Variants in RSF1 observed in about 807,000 individuals in gnomAD.
RSF1 encodes the protein remodeling and spacing factor 1, also known as HBV pX-associated protein 8.
RSF1 carries 13 observed loss-of-function variants against 145.2 expected under a neutral mutation model. That is an observed-to-expected ratio of 0.09 (90% CI 0.06 to 0.14). RSF1 has a LOEUF of 0.14. Among genes scored for constraint, RSF1 ranks in the 10% least tolerant of loss-of-function variants. The probability of loss-of-function intolerance (pLI) is 1.00; values close to 1 mark genes in which losing one functional copy is unlikely to be tolerated. For synonymous variants in RSF1, 577 were observed against 592.6 expected, an observed-to-expected ratio of 0.97 and a Z score of 0.38; for missense variants, 1,517 against 1,718.2, an observed-to-expected ratio of 0.88 and a Z score of 2.07.
chr11:77,775,115 G>A (rs1396873498), intron 1 of RSF1, among the ~76,000 whole-genome samples: 10 of 151,670 alleles, frequency 6.6e-5, no homozygotes, highest in East Asian at 2.0e-4. Flanking sequence ...GGGCATGGTC[G>A]TGGGCACCTG....
At chr11:77,850,791 C>CACAT in the RSF1 span, 1 of 11,994 alleles carries the variant, frequency 8.3e-5, no homozygotes. Flanking sequence ...CACATACACA[C>CACAT]ACACACACAC....
chr11:77,831,098 T>A, the RSF1 span, among the ~76,000 whole-genome samples: 2 of 151,120 alleles, frequency 1.3e-5, no homozygotes, highest in African/African-American at 2.4e-5. Flanking sequence ...TGAGCTGTAA[T>A]CATGTCACAG....
intron 5 of RSF1, among the ~76,000 whole-genome samples, chr11:77,711,881 T>C (rs1047174315): frequency 6.6e-6 from 1 of 152,192 alleles, no homozygotes; most frequent in Admixed American, 6.5e-5. Flanking sequence ...TTTTTTTCCT[T>C]GGTCTCCTCC....
chr11:77,805,098 A>G (rs912601977), intron 1 of RSF1, among the ~76,000 whole-genome samples: 3 of 152,224 alleles, frequency 2.0e-5, no homozygotes, highest in Non-Finnish European at 4.4e-5. Flanking sequence ...AAGGATGTCC[A>G]ATAAGTATCA....
chr11:77,835,562 G>A, the RSF1 span, among the ~76,000 whole-genome samples: 73 of 152,284 alleles, frequency 4.8e-4, no homozygotes, highest in African/African-American at 1.6e-3. Flanking sequence ...CTCCCAGGAA[G>A]TTGTTTTCCT....
intron 11 of RSF1, among the ~76,000 whole-genome samples, chr11:77,679,574 G>A (rs536194073): frequency 4.0e-5 from 6 of 151,650 alleles, no homozygotes; most frequent in South Asian, 4.2e-4. Flanking sequence ...TTGGGGGGCC[G>A]AGACAAGAGG....
In RSF1 at chr11:77,663,275, C is replaced by T. The variant is rs972501972; in HGVS notation, c.*3642G>A. On this transcript the variant is annotated 3_prime_UTR_variant, in exon 16 of 16. Coordinates refer to ENST00000308488, the MANE Select transcript of RSF1 (RefSeq NM_016578.4). ...AAAGCATTCCTTGTGACAAAGGACA[C>T]CCCACCAGTCCCACTTAAAAACAGC... is the stretch of plus-strand genomic sequence containing the variant. The T allele has an allele frequency of 3.3e-5, 5 of 152,136 alleles. No homozygotes were observed. The highest frequency in any genetic ancestry group is 6.5e-5 in the Admixed American group (1 of 15,270). The allele number at this position is 152,136 out of a possible 1,614,324, so 9.4% of individuals were successfully genotyped here.
At chr11:77,834,571 C>T in the RSF1 span, among the ~76,000 whole-genome samples, 1 of 151,326 alleles carries the variant, frequency 6.6e-6, no homozygotes, top group Non-Finnish European at 1.5e-5. Flanking sequence ...CATACCACCT[C>T]GTTCAGCTAA....
chr11:77,814,822 C>T (rs1948766680), intron 1 of RSF1, among the ~76,000 whole-genome samples: 1 of 152,220 alleles, frequency 6.6e-6, no homozygotes, highest in African/African-American at 2.4e-5. Flanking sequence ...CAGTTTAATA[C>T]TGTTTAAGTC....
upstream of RSF1, among the ~76,000 whole-genome samples, chr11:77,822,644 A>G (rs764324433): frequency 2.0e-5 from 3 of 152,182 alleles, no homozygotes; most frequent in Non-Finnish European, 2.9e-5. Flanking sequence ...AGAATACTCA[A>G]TTTATCAAGA....
the RSF1 span, among the ~76,000 whole-genome samples, chr11:77,833,284 A>G: frequency 6.6e-6 from 1 of 151,986 alleles, no homozygotes; most frequent in African/African-American, 2.4e-5. Flanking sequence ...AACTGACCAT[A>G]ATACAGAATC....
chr11:77,669,777 A>C (rs1959471555), intron 15 of RSF1, among the ~76,000 whole-genome samples: 1 of 152,214 alleles, frequency 6.6e-6, no homozygotes, highest in Non-Finnish European at 1.5e-5. Flanking sequence ...CAGCTTTTTG[A>C]GAAAGCAGGC....
At chr11:77,729,894 G>A (rs1170041563) in intron 4 of RSF1, among the ~76,000 whole-genome samples, 2 of 11,772 alleles carry the variant, frequency 1.7e-4, no homozygotes, top group East Asian at 6.8e-3. Flanking sequence ...TATTCAGTAG[G>A]CAAAAAAAAA....
intron 1 of RSF1, among the ~76,000 whole-genome samples, chr11:77,787,513 G>A (rs1488586096): frequency 3.9e-5 from 6 of 152,086 alleles, no homozygotes; most frequent in Admixed American, 2.0e-4. Flanking sequence ...TACAGTAGAA[G>A]AGAGAGATAG....
At chr11:77,728,307 ACTC>A (rs1456870900) in intron 4 of RSF1, among the ~76,000 whole-genome samples, 2 of 152,152 alleles carry the variant, frequency 1.3e-5, no homozygotes, top group Non-Finnish European at 2.9e-5. Flanking sequence ...TGGAAATACT[ACTC>A]AGCCATAAAA....
At chr11:77,738,977 A>C (rs1319844819) in intron 4 of RSF1, 1 of 150,990 alleles carries the variant, frequency 6.6e-6, no homozygotes, top group Non-Finnish European at 1.5e-5. Flanking sequence ...CACCGTGCCC[A>C]GCCTTCCAGT....
intron 2 of RSF1, among the ~76,000 whole-genome samples, chr11:77,761,262 T>C (rs1288209250): frequency 2.0e-5 from 3 of 152,230 alleles, no homozygotes; most frequent in African/African-American, 7.2e-5. Flanking sequence ...TTCTACTTAA[T>C]GACATCATCT....
chr11:77,814,481 T>G (rs1948763101), intron 1 of RSF1, among the ~76,000 whole-genome samples: 1 of 152,136 alleles, frequency 6.6e-6, no homozygotes, highest in Non-Finnish European at 1.5e-5. Context: ...AGTCTCGCTC[T>G]GTCACCCAGG....
chr11:77,683,891 T>C (rs1204588547), intron 10 of RSF1, 72 bp from the exon 11 acceptor site: 27 of 1,146,042 alleles, frequency 2.4e-5, no homozygotes, highest in Middle Eastern at 2.6e-4. Flanking sequence ...TAAACAGTTT[T>C]GTAATCTCCA....
Sources: gnomAD v4.1 joint callset for allele counts (sites outside exome capture counted in the v4.1 genomes callset) on GRCh38, gnomAD v4.1.1 for gene constraint, MANE v1.5 for transcripts, NCBI Gene and HGNC (gene_info 2026-07-23, HGNC 2026-07-21) for gene names.